Variants in TANC1 observed in about 807,000 individuals in gnomAD.
TANC1 encodes tetratricopeptide repeat, ankyrin repeat and coiled-coil containing 1, also known as protein TANC1.
A neutral mutation model predicts 149.7 loss-of-function variants in TANC1; 77 were observed. That is an observed-to-expected ratio of 0.51 (90% CI 0.43 to 0.62). The LOEUF is 0.62. Ranked by LOEUF, TANC1 falls within the 20% of genes least tolerant of loss-of-function variation. TANC1 has a pLI of 0.00. For synonymous variants in TANC1, 854 were observed against 925.0 expected, an observed-to-expected ratio of 0.92 and a Z score of 1.39; for missense variants, 1,985 against 2,321.8, an observed-to-expected ratio of 0.85 and a Z score of 2.98.
At chr2:159,058,042 G>A (rs944619021) in intron 2 of TANC1, among the ~76,000 whole-genome samples, 1 of 152,208 alleles carries the variant, frequency 6.6e-6, no homozygotes, top group African/African-American at 2.4e-5. Context: ...CTGCCTGTAA[G>A]TGAGCAGGAG....
intron 4 of TANC1, among the ~76,000 whole-genome samples, chr2:159,134,638 G>A (rs11892319): frequency 0.034 from 5,218 of 152,122 alleles, 105 homozygotes; most frequent in Non-Finnish European, 0.046. Flanking sequence ...GCCCACTACC[G>A]CGCCTGGCTA....
At chr2:159,168,915 GGTGTTAA>G (rs1361704846) in intron 8 of TANC1, among the ~76,000 whole-genome samples, 1 of 151,912 alleles carries the variant, frequency 6.6e-6, no homozygotes, top group Non-Finnish European at 1.5e-5. Context: ...ACCTGCTTGT[GGTGTTAA>G]GTACTGAAGC....
At chr2:159,032,517 T>G (rs77449613) in intron 2 of TANC1, among the ~76,000 whole-genome samples, 2 of 152,228 alleles carry the variant, frequency 1.3e-5, no homozygotes, top group African/African-American at 4.8e-5. Flanking sequence ...GCTTTTTTTT[T>G]GGCGTCCTTG....
chr2:159,044,723 A>T (rs1260993718), intron 2 of TANC1, among the ~76,000 whole-genome samples: 1 of 152,062 alleles, frequency 6.6e-6, no homozygotes, highest in African/African-American at 2.4e-5. Flanking sequence ...GGCATTGGAG[A>T]CACCGGCTCG....
chr2:159,153,968 G>A (rs2150342906), intron 7 of TANC1, among the ~76,000 whole-genome samples: 1 of 152,328 alleles, frequency 6.6e-6, no homozygotes, highest in South Asian at 2.1e-4. Flanking sequence ...CCTAACAGTG[G>A]CTTGTAAAAC....
At chr2:159,142,759 A>C (rs1391431787) in intron 5 of TANC1, among the ~76,000 whole-genome samples, 1 of 151,518 alleles carries the variant, frequency 6.6e-6, no homozygotes, top group African/African-American at 2.4e-5. Flanking sequence ...TTAGCCTGGC[A>C]CTTCAATAGA....
chr2:159,006,716 T>G (rs1267142432), intron 2 of TANC1, among the ~76,000 whole-genome samples: 3 of 152,186 alleles, frequency 2.0e-5, no homozygotes, highest in South Asian at 2.1e-4. Context: ...CCCACAGCAT[T>G]TTTTGAAGGA....
chr2:159,182,632 A>G (rs2056605168), intron 14 of TANC1, among the ~76,000 whole-genome samples: 1 of 152,072 alleles, frequency 6.6e-6, no homozygotes. Flanking sequence ...TTGTGTCCTC[A>G]TGTTTTTTCA....
At chr2:159,000,077 G>T (rs544963549) in intron 1 of TANC1, among the ~76,000 whole-genome samples, 1 of 152,312 alleles carries the variant, frequency 6.6e-6, no homozygotes, top group East Asian at 1.9e-4. Flanking sequence ...CCAGCAGGAG[G>T]TGATTCTTGA....
chr2:159,124,985 C>T (rs1171183821), intron 4 of TANC1, among the ~76,000 whole-genome samples: 1 of 151,096 alleles, frequency 6.6e-6, no homozygotes, highest in African/African-American at 2.4e-5. Context: ...TCAAGTGATC[C>T]TCCCACCTCA....
intron 2 of TANC1, among the ~76,000 whole-genome samples, chr2:159,036,763 T>A (rs2040224111): frequency 6.6e-6 from 1 of 152,252 alleles, no homozygotes. Context: ...CTATCATTGA[T>A]GGACATTTGG....
chr2:159,097,937 T>C, intron 4 of TANC1, 103 bp downstream of exon 4: 1 of 1,044,038 alleles, frequency 9.6e-7, no homozygotes, highest in Non-Finnish European at 1.4e-6. Context: ...CAATGTTTTT[T>C]CTTTGTCGCA....
At chr2:159,037,497 T>C (rs1478557951) in intron 2 of TANC1, among the ~76,000 whole-genome samples, 2 of 152,218 alleles carry the variant, frequency 1.3e-5, no homozygotes, top group Admixed American at 6.5e-5. Flanking sequence ...AGGTCTAACA[T>C]TTAAGTCTTT....
chr2:159,003,480 A>G (rs1339940238), intron 2 of TANC1, among the ~76,000 whole-genome samples: 4 of 152,292 alleles, frequency 2.6e-5, no homozygotes, highest in African/African-American at 9.6e-5. Context: ...TAGGCACTCT[A>G]ATAAAGGAAC....
At chr2:158,984,238 A>G (rs1656303964) in intron 1 of TANC1, among the ~76,000 whole-genome samples, 1 of 152,214 alleles carries the variant, frequency 6.6e-6, no homozygotes, top group African/African-American at 2.4e-5. Context: ...AACTGTCCCA[A>G]CTCTACATAC....
intron 4 of TANC1, among the ~76,000 whole-genome samples, chr2:159,131,525 C>T (rs1400644157): frequency 7.1e-6 from 1 of 140,742 alleles, no homozygotes; most frequent in Non-Finnish European, 1.6e-5. Context: ...CCGCCCCTTC[C>T]CCTGCCCCCA....
intron 3 of TANC1, among the ~76,000 whole-genome samples, chr2:159,066,845 T>G (rs1470624022): frequency 1.3e-5 from 2 of 152,252 alleles, no homozygotes; most frequent in African/African-American, 4.8e-5. Flanking sequence ...ATTACATTCC[T>G]TGTGCTAACC....
At chr2:159,228,063 C>T in intron 25 of TANC1, 98 bp downstream of exon 25, 3 of 1,362,174 alleles carry the variant, frequency 2.2e-6, no homozygotes, top group South Asian at 1.4e-5. Context: ...CCTGGGCCCT[C>T]CTGTCCAATT....
chr2:159,005,357 G>A (rs181734541), intron 2 of TANC1, among the ~76,000 whole-genome samples: 1 of 152,306 alleles, frequency 6.6e-6, no homozygotes, highest in East Asian at 1.9e-4. Context: ...TTGGGAGGCT[G>A]AGGCAGGTGG....
Sources: allele counts gnomAD v4.1 joint callset (sites outside exome capture counted in the v4.1 genomes callset), GRCh38; gene constraint gnomAD v4.1.1; transcripts MANE v1.5; gene names NCBI Gene and HGNC (gene_info 2026-07-23, HGNC 2026-07-21).